The following LPP variants were observed in gnomAD, a reference collection of about 807,000 sequenced individuals.
LPP encodes LIM domain containing preferred translocation partner in lipoma.
A neutral mutation model predicts 60.4 loss-of-function variants in LPP; 38 were observed. That is an observed-to-expected ratio of 0.63 (90% CI 0.49 to 0.83). LPP has a LOEUF of 0.83. Among genes scored for constraint, LPP ranks in the 40% least tolerant of loss-of-function variants. The pLI is 0.00. For missense variants in LPP, 902 were observed against 783.6 expected (o/e 1.15, Z -1.80); for synonymous variants, 328 against 290.8 (o/e 1.13, Z -1.30).
At chr3:188,368,717 CACAGAGAGAGAG>C (rs1197214387) in intron 3 of LPP, among the ~76,000 whole-genome samples, 6 of 105,604 alleles carry the variant, frequency 5.7e-5, no homozygotes, top group Middle Eastern at 4.6e-3. Context: ...CACACACACA[CACAGAGAGAGAG>C]AGAGAGAGAG....
At chr3:188,633,451 T>A (rs372422385) in intron 7 of LPP, among the ~76,000 whole-genome samples, 25 of 152,208 alleles carry the variant, frequency 1.6e-4, no homozygotes, top group African/African-American at 5.1e-4. Context: ...CTGTGAGCAG[T>A]ATTAGCACAC....
intron 6 of LPP, among the ~76,000 whole-genome samples, chr3:188,554,707 C>T (rs1829052064): frequency 6.6e-6 from 1 of 152,166 alleles, no homozygotes; most frequent in African/African-American, 2.4e-5. Flanking sequence ...TTTAGAAGTG[C>T]TTACACTGCT....
intron 6 of LPP, among the ~76,000 whole-genome samples, chr3:188,583,398 C>T (rs150179696): frequency 4.4e-4 from 67 of 152,258 alleles, no homozygotes; most frequent in African/African-American, 1.6e-3. Context: ...ACATTGTTCA[C>T]TACCTCAGTC....
At chr3:188,753,020 GCTCCTAAACA>G (rs1456497538) in intron 8 of LPP, among the ~76,000 whole-genome samples, 1 of 152,138 alleles carries the variant, frequency 6.6e-6, no homozygotes, top group African/African-American at 2.4e-5. Flanking sequence ...AATGGGTTCT[GCTCCTAAACA>G]ATACTGATAT....
intron 9 of LPP, among the ~76,000 whole-genome samples, chr3:188,819,928 C>T (rs1017661505): frequency 2.6e-5 from 4 of 152,118 alleles, no homozygotes; most frequent in Admixed American, 6.5e-5. Context: ...GTTTGAAAAC[C>T]GAAGCAATTA....
At chr3:188,781,891 CAAAA>C (rs1302969471) in intron 9 of LPP, among the ~76,000 whole-genome samples, 1 of 79,134 alleles carries the variant, frequency 1.3e-5, no homozygotes, top group African/African-American at 4.4e-5. Flanking sequence ...GACTCCGTCT[CAAAA>C]AAAAAAAAAA....
chr3:188,434,593 T>C (rs1791842528), intron 4 of LPP, among the ~76,000 whole-genome samples: 1 of 152,224 alleles, frequency 6.6e-6, no homozygotes, highest in Non-Finnish European at 1.5e-5. Flanking sequence ...TCTTGTCATC[T>C]GCCAAGTAGA....
chr3:188,190,667 G>A (rs1727914029), intron 1 of LPP, among the ~76,000 whole-genome samples: 1 of 152,162 alleles, frequency 6.6e-6, no homozygotes, highest in Admixed American at 6.5e-5. Flanking sequence ...AGCAGTAGAA[G>A]GCAGGAGTGA....
At chr3:188,500,397 T>C (rs891427820) in intron 5 of LPP, among the ~76,000 whole-genome samples, 3 of 152,170 alleles carry the variant, frequency 2.0e-5, no homozygotes, top group African/African-American at 7.2e-5. Flanking sequence ...TTGATTTGTT[T>C]GTTGAGTATC....
chr3:188,172,555 TG>T lies in LPP; in HGVS notation c.-190+18304del, dbSNP rs369780100. ...ATAATAGAGATTATCTAAATGATTG[TG>T]TTTTTTTTGTTATTGTTGTCTTTTT... On this transcript the variant is annotated intron_variant, in intron 1 of 11. Coordinates refer to ENST00000617246, the MANE Select transcript of LPP (RefSeq NM_001375462.1). 4.4e-4 allele frequency among the ~76,000 whole-genome samples: 67 copies of T among 152,370 alleles called. No homozygotes were observed. The East Asian group carries it at 0.012, about 26-fold the overall frequency.
chr3:188,433,244 A>G (rs1791396606), intron 4 of LPP, among the ~76,000 whole-genome samples: 1 of 152,196 alleles, frequency 6.6e-6, no homozygotes, highest in Non-Finnish European at 1.5e-5. Context: ...ATCCATCACA[A>G]CCACCATTTC....
At chr3:188,638,714 A>G (rs1442063889) in intron 7 of LPP, among the ~76,000 whole-genome samples, 2 of 145,224 alleles carry the variant, frequency 1.4e-5, no homozygotes, top group African/African-American at 5.2e-5. Context: ...ATTCTTATAC[A>G]CCAACAACAG....
At chr3:188,755,791 CAG>C (rs1483150373) in intron 8 of LPP, among the ~76,000 whole-genome samples, 1 of 83,254 alleles carries the variant, frequency 1.2e-5, no homozygotes, top group East Asian at 5.0e-4. Context: ...GCCTGGGCAA[CAG>C]AGTGAGATCC....
chr3:188,168,876 G>A (rs1157961007), intron 1 of LPP, among the ~76,000 whole-genome samples: 1 of 152,190 alleles, frequency 6.6e-6, no homozygotes, highest in Non-Finnish European at 1.5e-5. Context: ...CAACCACTGA[G>A]TATTTAATTA....
At chr3:188,664,878 G>A (rs1020756299) in intron 7 of LPP, among the ~76,000 whole-genome samples, 4 of 152,062 alleles carry the variant, frequency 2.6e-5, no homozygotes, top group Non-Finnish European at 4.4e-5. Context: ...TGGTGCTACC[G>A]GCATTGAAAG....
chr3:188,833,508 G>A (rs1274012080), intron 9 of LPP, among the ~76,000 whole-genome samples: 3 of 152,154 alleles, frequency 2.0e-5, no homozygotes, highest in Admixed American at 6.5e-5. Context: ...GCTTCTGCAT[G>A]CAAGAAGGTT....
At chr3:188,187,483 C>T (rs1305921084) in intron 1 of LPP, among the ~76,000 whole-genome samples, 3 of 151,856 alleles carry the variant, frequency 2.0e-5, no homozygotes, top group African/African-American at 4.8e-5. Context: ...ATAATTTCTT[C>T]TTATTTCTTA....
At chr3:188,517,984 G>T (rs115580795) in intron 5 of LPP, among the ~76,000 whole-genome samples, 284 of 152,006 alleles carry the variant, frequency 1.9e-3, no homozygotes, top group African/African-American at 6.6e-3. Context: ...TCTCTCTTCC[G>T]CTCTCTCTCA....
chr3:188,524,161 G>A (rs890348), intron 5 of LPP, among the ~76,000 whole-genome samples: 125,124 of 152,114 alleles, frequency 0.82, 51,563 homozygotes, highest in East Asian at 0.94. Flanking sequence ...GCCATCTCTC[G>A]CACACATGCA....
Sources: allele counts gnomAD v4.1 joint callset (sites outside exome capture counted in the v4.1 genomes callset), GRCh38; gene constraint gnomAD v4.1.1; transcripts MANE v1.5; gene names NCBI Gene and HGNC (gene_info 2026-07-23, HGNC 2026-07-21).